Variants in NCK1 observed in about 807,000 individuals in gnomAD.
NCK1 encodes NCK adaptor protein 1.
A neutral mutation model predicts 36.6 loss-of-function variants in NCK1; 19 were observed. The ratio of observed to expected loss-of-function variants is 0.52; its 90% CI spans 0.36 to 0.76. The LOEUF is 0.76. Among genes scored for constraint, NCK1 ranks in the 30% least tolerant of loss-of-function variants. The pLI is 0.00. For synonymous variants in NCK1, 165 were observed against 156.0 expected, an observed-to-expected ratio of 1.06 and a Z score of -0.43; for missense variants, 358 against 445.6, an observed-to-expected ratio of 0.80 and a Z score of 1.77.
intron 1 of NCK1, among the ~76,000 whole-genome samples, chr3:136,906,202 A>G (rs1040212573): frequency 3.3e-5 from 5 of 152,110 alleles, no homozygotes; most frequent in Non-Finnish European, 7.4e-5. Flanking sequence ...GAATGCTGTC[A>G]GTGGTGTCTG....
chr3:136,940,792 G>A (rs1371420879), intron 2 of NCK1, among the ~76,000 whole-genome samples: 4 of 151,980 alleles, frequency 2.6e-5, no homozygotes, highest in Admixed American at 2.0e-4. Context: ...TGATCCACCC[G>A]CCTCGGCTTC....
intron 1 of NCK1, among the ~76,000 whole-genome samples, chr3:136,868,368 C>T (rs1938510542): frequency 3.9e-5 from 6 of 151,918 alleles, no homozygotes; most frequent in Admixed American, 3.9e-4. Context: ...TGCTCTGTCA[C>T]TCAGGATGGA....
chr3:136,892,336 A>G (rs1939268445), intron 1 of NCK1, among the ~76,000 whole-genome samples: 1 of 152,164 alleles, frequency 6.6e-6, no homozygotes, highest in Non-Finnish European at 1.5e-5. Context: ...TTTCATATAC[A>G]AAGTATGTTA....
At chr3:136,864,615 G>A (rs1053109134) in intron 1 of NCK1, among the ~76,000 whole-genome samples, 4 of 152,216 alleles carry the variant, frequency 2.6e-5, no homozygotes, top group Admixed American at 6.5e-5. Flanking sequence ...CGGGAGGATA[G>A]CTGGAGGCCA....
chr3:136,887,923 TTTTCTTTC>T (rs139549861), intron 1 of NCK1, among the ~76,000 whole-genome samples: 9 of 149,472 alleles, frequency 6.0e-5, no homozygotes, highest in East Asian at 3.9e-4. Context: ...TTATTGTTTC[TTTTCTTTC>T]TTTCTTTCTT....
At chr3:136,916,630 G>A (rs777419925) in intron 1 of NCK1, among the ~76,000 whole-genome samples, 7 of 152,108 alleles carry the variant, frequency 4.6e-5, no homozygotes, top group Admixed American at 1.3e-4. Flanking sequence ...GTGTTAGTTT[G>A]TGTATGTTGT....
chr3:136,922,169 CTTA>C (rs1238513589), intron 1 of NCK1, among the ~76,000 whole-genome samples: 1 of 152,148 alleles, frequency 6.6e-6, no homozygotes, highest in Middle Eastern at 3.2e-3. Context: ...GAGAAACAAA[CTTA>C]TTATTTATGA....
chr3:136,928,244 A>G lies in NCK1; in HGVS notation c.226+17A>G. On this transcript the variant is annotated intron_variant, in intron 2 of 3. Coordinates refer to ENST00000481752, the MANE Select transcript of NCK1 (RefSeq NM_001291999.2). ...ATACCTTAGGTAAGATATTTTTTAA[A>G]AGAAAAGCAACTTTGTTTTAAATGA... 6.3e-7 allele frequency: 1 copy of G among 1,578,568 alleles called. No individual in the cohort carries two copies. The highest frequency in any genetic ancestry group is 2.2e-5 in the East Asian group (1 of 44,606).
At chr3:136,928,819 G>A (rs1356705345) in intron 2 of NCK1, 1 of 143,412 alleles carries the variant, frequency 7.0e-6, no homozygotes, top group Non-Finnish European at 1.5e-5. Context: ...TGGCTAAGCT[G>A]ATAGGAAGGA....
chr3:136,930,502 A>G (rs948111063), intron 2 of NCK1: 21 of 1,356,812 alleles, frequency 1.5e-5, no homozygotes, highest in Middle Eastern at 1.9e-4. Flanking sequence ...GAGGAAGCTC[A>G]CTGAGAATTA....
chr3:136,867,125 TTTCTTTCCTTCCTTCC>T lies in NCK1; in HGVS notation c.-19+4776_-19+4791del, dbSNP rs1560028561. ...CTTTCTTTCTTTCTTTCTTTGTTTC[TTTCTTTCCTTCCTTCC>T]TTCCTTCCTTCCTTCCTTCCTTCCT... On this transcript the variant is annotated intron_variant, in intron 1 of 3. Coordinates refer to ENST00000481752, the MANE Select transcript of NCK1 (RefSeq NM_001291999.2). 1.2e-3 allele frequency among the ~76,000 whole-genome samples: 29 copies of T among 25,202 alleles called. 1 individual carries two copies. The highest frequency in any genetic ancestry group is 2.5e-3 in the African/African-American group (18 of 7,072). The allele number at this position is 25,202 out of a possible 152,430, so 16.5% of individuals were successfully genotyped here.
intron 1 of NCK1, among the ~76,000 whole-genome samples, chr3:136,905,710 G>T (rs1281302871): frequency 1.3e-5 from 2 of 151,756 alleles, no homozygotes; most frequent in Admixed American, 1.3e-4. Flanking sequence ...GTGCAGCCTC[G>T]ACCTCCCTGG....
At position 136,890,985 on chromosome 3, in the gene NCK1, A is replaced by G. The variant is rs191292617; in HGVS notation, c.-19+28632A>G. On this transcript the variant is annotated intron_variant, in intron 1 of 3. Transcript: ENST00000481752. ...CATGTGTAAGTGAAATAAATCATACAATATTTGTCCTTTATGACTGGCTTA... is the reference window on the plus strand; with the variant it reads ...CATGTGTAAGTGAAATAAATCATACGATATTTGTCCTTTATGACTGGCTTA... 1.6e-4 allele frequency among the ~76,000 whole-genome samples: 24 copies of G among 152,314 alleles called. No homozygotes were observed. The East Asian group carries it at 4.4e-3, about 28-fold the overall frequency.
At position 136,947,683 on chromosome 3, in the gene NCK1, C is replaced by T. The variant is rs1184088502; in HGVS notation, c.940-576C>T. Among the ~76,000 whole-genome samples the T allele has an allele frequency of 2.0e-5, 3 of 152,162 alleles. No individual in the cohort carries two copies. In the East Asian group the frequency reaches 5.8e-4, roughly 29 times the overall value. Reference sequence around the variant, plus strand: ...TAGATTGGTGATACACTGTCATTTCCTCTGCCCATCTACCTTTCCACTCTG... The same window carrying T: ...TAGATTGGTGATACACTGTCATTTCTTCTGCCCATCTACCTTTCCACTCTG... On this transcript the variant is annotated intron_variant, in intron 3 of 3. Coordinates refer to ENST00000481752, the MANE Select transcript of NCK1 (RefSeq NM_001291999.2).
At chr3:136,908,222 A>G (rs1939738176) in intron 1 of NCK1, among the ~76,000 whole-genome samples, 1 of 152,238 alleles carries the variant, frequency 6.6e-6, no homozygotes, top group African/African-American at 2.4e-5. Flanking sequence ...CCGCAACCGT[A>G]TCACTTCGTC....
chr3:136,894,937 A>G (rs1195042728), intron 1 of NCK1, among the ~76,000 whole-genome samples: 3 of 151,928 alleles, frequency 2.0e-5, no homozygotes, highest in Admixed American at 6.6e-5. Context: ...CAGTGGCACT[A>G]CTATCTCGGC....
At chr3:136,874,498 G>A (rs935571054) in intron 1 of NCK1, among the ~76,000 whole-genome samples, 4 of 152,150 alleles carry the variant, frequency 2.6e-5, no homozygotes, top group Admixed American at 1.3e-4. Flanking sequence ...GGTCTTTAAT[G>A]AACTTATACA....
At position 136,863,126 on chromosome 3, in the gene NCK1, A is replaced by G. The variant is rs181598029; in HGVS notation, c.-19+773A>G. 2.9e-3 allele frequency among the ~76,000 whole-genome samples: 441 copies of G among 152,248 alleles called. 2 individuals are homozygous for G. The highest frequency in any genetic ancestry group is 4.7e-3 in the Non-Finnish European group (323 of 68,022). ...TAGGAACGCTCTCGGTGTCAAACTG[A>G]TGGACCCGGAGTCACCTGAAAATAA... On this transcript the variant is annotated intron_variant, in intron 1 of 3. Coordinates refer to ENST00000481752, the MANE Select transcript of NCK1 (RefSeq NM_001291999.2).
At chr3:136,869,266 G>T (rs1406707028) in intron 1 of NCK1, among the ~76,000 whole-genome samples, 1 of 151,602 alleles carries the variant, frequency 6.6e-6, no homozygotes, top group African/African-American at 2.4e-5. Flanking sequence ...TATTTGTTCC[G>T]CTAGGCCTGA....
Sources: allele counts gnomAD v4.1 joint callset (sites outside exome capture counted in the v4.1 genomes callset), GRCh38; gene constraint gnomAD v4.1.1; transcripts MANE v1.5; gene names NCBI Gene and HGNC (gene_info 2026-07-23, HGNC 2026-07-21).